C1QTNF9: variants seen among roughly 807,000 people sequenced by gnomAD.
The protein encoded by C1QTNF9 is complement C1q and tumor necrosis factor-related protein 9A.
C1QTNF9 carries 6 observed loss-of-function variants against 10.1 expected under a neutral mutation model. That is an observed-to-expected ratio of 0.59 (90% CI 0.32 to 1.17). C1QTNF9 has a LOEUF of 1.17. Ranked by LOEUF, C1QTNF9 falls within the 50% of genes most tolerant of loss-of-function variation. The pLI, the probability that C1QTNF9 is intolerant of heterozygous loss-of-function variation, is 0.04. For missense variants in C1QTNF9, 201 were observed against 418.8 expected (o/e 0.48, Z 4.54); for synonymous variants, 98 against 163.5 (o/e 0.60, Z 3.06).
intron 1 of C1QTNF9, among the ~76,000 whole-genome samples, chr13:24,312,934 G>C (rs1222293692): frequency 7.2e-6 from 1 of 138,534 alleles, no homozygotes; most frequent in Non-Finnish European, 1.5e-5. Context: ...CAGCCTGGGC[G>C]ACAGAGCGAG....
upstream of C1QTNF9, among the ~76,000 whole-genome samples, chr13:24,308,819 G>A (rs1021784897): frequency 5.9e-5 from 9 of 152,238 alleles, no homozygotes; most frequent in African/African-American, 1.9e-4. Flanking sequence ...AACCGGGCTG[G>A]GCTCCTCTGT....
intron 2 of C1QTNF9, among the ~76,000 whole-genome samples, chr13:24,318,126 A>G (rs184847297): frequency 9.2e-5 from 14 of 152,058 alleles, no homozygotes; most frequent in Admixed American, 5.9e-4. Flanking sequence ...CTGTGGCCCA[A>G]TGAGCACTCT....
exon 2 of C1QTNF9, chr13:24,316,061 C>G (rs966650791): frequency 6.2e-7 from 1 of 1,613,670 alleles, no homozygotes; most frequent in African/African-American, 1.3e-5. Context: ...CATAAACTCA[C>G]AGGACACCTG....
At chr13:24,318,767 A>G (rs756913251) in intron 2 of C1QTNF9, 51 bp from the exon 3 acceptor site, 1 of 1,612,896 alleles carries the variant, frequency 6.2e-7, no homozygotes, top group African/African-American at 1.3e-5. Context: ...ATGGCCAGAA[A>G]AATCAGAAAT....
chr13:24,307,675 AG>A (rs1470897553), upstream of C1QTNF9, among the ~76,000 whole-genome samples: 5 of 152,162 alleles, frequency 3.3e-5, no homozygotes. Flanking sequence ...TAGGGTGGGG[AG>A]GGGGCGAGCC....
chr13:24,308,103 G>A (rs1237651572), upstream of C1QTNF9, among the ~76,000 whole-genome samples: 1 of 152,216 alleles, frequency 6.6e-6, no homozygotes, highest in Non-Finnish European at 1.5e-5. Flanking sequence ...GCAGACGTGG[G>A]AGAGCCCGGA....
intron 3 of C1QTNF9, among the ~76,000 whole-genome samples, chr13:24,319,231 T>C (rs1298768704): frequency 6.6e-6 from 1 of 152,224 alleles, no homozygotes. Context: ...GAATATTATT[T>C]GTGACCATTT....
Position 24,319,281 on chromosome 13 carries a change from G to A in C1QTNF9, c.229+401G>A, listed in dbSNP as rs187197745. On this transcript the variant is annotated intron_variant, in intron 3 of 3. Coordinates refer to ENST00000332018, the Ensembl canonical transcript of C1QTNF9. ...TGGCCGAGCACCATGGCCCACACCT[G>A]TAATCCCAACACTTTGGGAGGCCCA... 3.4e-3 allele frequency among the ~76,000 whole-genome samples: 516 copies of A among 152,254 alleles called. 4 individuals are homozygous for A. Among genetic ancestry groups the A allele is most frequent in the African/African-American group, 0.012 (499 of 41,520 alleles).
chr13:24,319,648 T>C (rs1593536486), intron 3 of C1QTNF9, among the ~76,000 whole-genome samples: 1 of 152,210 alleles, frequency 6.6e-6, no homozygotes, highest in Admixed American at 6.5e-5. Flanking sequence ...CCTGTGGCTG[T>C]AGTTTGTTGA....
rs1047167341 is a variant in C1QTNF9 at position 24,314,776 on chromosome 13, G to C, written c.-22-1206G>C. The stretch of plus-strand genomic sequence containing the variant: ...AGAGAATCGCTTGAGCTGGGAGGTT[G>C]AGACTACAGTGAGCTGTGATTGCAT... On this transcript the variant is annotated intron_variant, in intron 1 of 3. Coordinates refer to ENST00000332018, the Ensembl canonical transcript of C1QTNF9. 3.3e-5 allele frequency among the ~76,000 whole-genome samples: 5 copies of C among 152,076 alleles called. No homozygotes were observed. In the South Asian group the frequency reaches 1.0e-3, roughly 31 times the overall value.
At chr13:24,310,325 T>C (rs1170616600) in intron 1 of C1QTNF9, among the ~76,000 whole-genome samples, 1 of 150,586 alleles carries the variant, frequency 6.6e-6, no homozygotes, top group African/African-American at 2.4e-5. Context: ...GGCTACTTTT[T>C]TTTTTTTTTT....
chr13:24,321,140 G>A, exon 4 of C1QTNF9: 1 of 1,291,646 alleles, frequency 7.7e-7, no homozygotes, highest in South Asian at 1.3e-5. Flanking sequence ...GGGCAGAAGG[G>A]GAATAAGGGT....
exon 4 of C1QTNF9, chr13:24,321,587 T>C: frequency 4.3e-6 from 7 of 1,614,112 alleles, no homozygotes; most frequent in East Asian, 2.2e-5. Flanking sequence ...GTAAAAATAC[T>C]GCACACCAAA....
intron 1 of C1QTNF9, among the ~76,000 whole-genome samples, chr13:24,311,920 G>A (rs35149197): frequency 0.013 from 1,943 of 152,194 alleles, 12 homozygotes; most frequent in Non-Finnish European, 0.019. Context: ...CTTTAAGGCC[G>A]GTCATTGCAC....
chr13:24,317,496 T>C lies in C1QTNF9; in HGVS notation c.167-1322T>C, dbSNP rs556347021. ...GTTTTATATACTTCTTAGAAGCAAA[T>C]TATGTATCTATTTTTCTACGTAGTT... On this transcript the variant is annotated intron_variant, in intron 2 of 3. Coordinates refer to ENST00000332018, the Ensembl canonical transcript of C1QTNF9. 8.0e-4 allele frequency among the ~76,000 whole-genome samples: 121 copies of C among 152,194 alleles called. 1 individual carries two copies. The highest frequency in any genetic ancestry group is 2.8e-3 in the African/African-American group (118 of 41,506).
rs1046043757 is a variant in C1QTNF9 at position 24,317,198 on chromosome 13, G to A, written c.166+1029G>A. Among the ~76,000 whole-genome samples the A allele has an allele frequency of 3.3e-5, 5 of 152,070 alleles. No individual in the cohort carries two copies. In the South Asian group the frequency reaches 1.0e-3, roughly 32 times the overall value. On this transcript the variant is annotated intron_variant, in intron 2 of 3. Transcript: ENST00000332018. ...GCAAACAGCCCAGTCCAAATGAATA[G>A]CAAAACCTTACCATTAATGAAATCA...
chr13:24,319,781 C>T (rs1315214864), intron 3 of C1QTNF9, among the ~76,000 whole-genome samples: 2 of 152,100 alleles, frequency 1.3e-5, no homozygotes, highest in African/African-American at 2.4e-5. Context: ...GGGATGTAGT[C>T]GTAGTGGCAA....
intron 3 of C1QTNF9, among the ~76,000 whole-genome samples, chr13:24,320,694 G>C (rs1362091804): frequency 6.6e-6 from 1 of 151,808 alleles, no homozygotes; most frequent in Admixed American, 6.6e-5. Flanking sequence ...TGGAGTAATT[G>C]AATTTTATTT....
At chr13:24,319,720 C>CT (rs2138811221) in intron 3 of C1QTNF9, among the ~76,000 whole-genome samples, 1 of 152,326 alleles carries the variant, frequency 6.6e-6, no homozygotes, top group South Asian at 2.1e-4. Context: ...CTTGGTGCAT[C>CT]TGGCAGCACT....
Sources: gnomAD v4.1 joint callset for allele counts (sites outside exome capture counted in the v4.1 genomes callset) on GRCh38, gnomAD v4.1.1 for gene constraint, MANE v1.5 for transcripts, NCBI Gene and HGNC (gene_info 2026-07-23, HGNC 2026-07-21) for gene names.